The following VWA2 variants were observed in gnomAD, a reference collection of about 807,000 sequenced individuals.
VWA2 encodes the protein von Willebrand factor A domain containing 2.
A neutral mutation model predicts 70.4 loss-of-function variants in VWA2; 73 were observed. The observed-to-expected ratio is 1.04, with a 90% CI of 0.86 to 1.26. The LOEUF (loss-of-function observed/expected upper bound fraction) is 1.26, where lower values mean the gene tolerates loss of function less well. Among genes scored for constraint, VWA2 ranks in the 50% most tolerant of loss-of-function variants. The pLI is 0.00. For missense variants in VWA2, 1,011 were observed against 998.5 expected, an observed-to-expected ratio of 1.01 and a Z score of -0.17; for synonymous variants, 407 against 423.3, an observed-to-expected ratio of 0.96 and a Z score of 0.47.
In VWA2 at chr10:114,286,061, C is replaced by T. The variant is rs1564740812; in HGVS notation, c.1120C>T (p.Leu374=). ...CGTGAAGCGGTTTGTGCGGGCCGTGCTGAGCGAGGACTCTCGGGCCCGAGT... is the reference window on the plus strand; with the variant it reads ...CGTGAAGCGGTTTGTGCGGGCCGTGTTGAGCGAGGACTCTCGGGCCCGAGT... ...VFVKRFVRAV[L]SEDSRARVGV... The change falls in exon 11 of 14, where the codon CTG becomes TTG. Residue 374 remains leucine (L), a synonymous_variant. Transcript: ENST00000392982. 1 of 1,614,154 alleles carries T rather than the reference C, an allele frequency of 6.2e-7. No individual in the cohort carries two copies. Among genetic ancestry groups the T allele is most frequent in the South Asian group, 1.1e-5 (1 of 91,084 alleles).
chr10:114,278,895 C>T, intron 8 of VWA2, 44 bp downstream of exon 8: 1 of 1,608,232 alleles, frequency 6.2e-7, no homozygotes, highest in African/African-American at 1.3e-5. Flanking sequence ...GAGATGAAGG[C>T]CCCCACCCCT....
intron 10 of VWA2, among the ~76,000 whole-genome samples, chr10:114,285,698 G>C (rs937713445): frequency 6.6e-6 from 1 of 152,244 alleles, no homozygotes; most frequent in African/African-American, 2.4e-5. Context: ...ATGGAAAAAA[G>C]TGATAATGTA....
chr10:114,263,627 G>A (rs2037495478), intron 5 of VWA2, among the ~76,000 whole-genome samples: 1 of 152,064 alleles, frequency 6.6e-6, no homozygotes, highest in Non-Finnish European at 1.5e-5. Context: ...GTGAGCCACC[G>A]TGCCTGGCCG....
rs189513710 is a variant in VWA2, at chr10:114,279,777, C to G, written c.833+926C>G. Among the ~76,000 whole-genome samples the G allele has an allele frequency of 8.4e-4, 128 of 152,286 alleles. 1 individual carries two copies. Among genetic ancestry groups the G allele is most frequent in the Non-Finnish European group, 1.4e-3 (94 of 68,024 alleles). On this transcript the variant is annotated intron_variant, in intron 8 of 13. Coordinates refer to ENST00000392982, the MANE Select transcript of VWA2 (RefSeq NM_001272046.2). Reference sequence around the variant, plus strand: ...CAATAAGAAGACAGTACAGTTGCTGCCCCCAAGGAATCATGGTTTAGAGGA... The same window carrying G: ...CAATAAGAAGACAGTACAGTTGCTGGCCCCAAGGAATCATGGTTTAGAGGA...
At position 114,286,002 on chromosome 10, in the gene VWA2, C is replaced by A; in HGVS notation, c.1061C>A (p.Thr354Asn). 1 of 1,613,926 alleles carries A rather than the reference C, an allele frequency of 6.2e-7. No homozygotes were observed. Among genetic ancestry groups the A allele is most frequent in the Non-Finnish European group, 8.5e-7 (1 of 1,179,884 alleles). Residue 354 changes from threonine (T) to asparagine (N), a missense_variant, in exon 11 of 14, where the codon ACC (threonine) becomes AAC (asparagine). By Grantham distance (65) the Thr-to-Asn change is moderately conservative. Coordinates refer to ENST00000392982, the MANE Select transcript of VWA2 (RefSeq NM_001272046.2). ...TTCCTGCTGGACAGCTCTGCGGGCA[C>A]CACTCTGGACGGCTTCCTGCGGGCC... The part of the protein sequence containing the change: ...LLFLLDSSAG[T>N]TLDGFLRAKV...
At chr10:114,286,660 A>C in intron 11 of VWA2, 149 bp downstream of exon 11, 1 of 685,780 alleles carries the variant, frequency 1.5e-6, no homozygotes, top group Non-Finnish European at 2.3e-6. Context: ...CACATAAATA[A>C]TTTTCAGTTT....
chr10:114,278,011 CT>C lies in VWA2; in HGVS notation c.665del (p.Leu222ProfsTer63). 6.2e-7 allele frequency: 1 copy of C among 1,612,858 alleles called. No homozygotes were observed. Among genetic ancestry groups the C allele is most frequent in the Non-Finnish European group, 8.5e-7 (1 of 1,179,288 alleles). ...TGCCACCAACGGCCTCTTCAGCACCCTCAGCAGCTCGGCCATCTGCTCCAGC... is the reference window on the plus strand; with the variant it reads ...TGCCACCAACGGCCTCTTCAGCACCCCAGCAGCTCGGCCATCTGCTCCAGC... ...EDATNGLFSTLSSSAICSSAT... is the reference protein window; with the variant it reads ...EDATNGLFSTXSSSAICSSAT... On this transcript the variant is annotated frameshift_variant, in exon 7 of 14. Transcript: ENST00000392982. LOFTEE classifies it high-confidence loss of function.
intron 1 of VWA2, 94 bp from the exon 2 acceptor site, chr10:114,248,610 A>C (rs1052075560): frequency 9.2e-7 from 1 of 1,087,092 alleles, no homozygotes; most frequent in Non-Finnish European, 1.4e-6. Flanking sequence ...TGTGACCTGG[A>C]AAAGGCTGAG....
intron 5 of VWA2, among the ~76,000 whole-genome samples, chr10:114,263,914 C>T (rs968107141): frequency 6.6e-6 from 1 of 152,162 alleles, no homozygotes; most frequent in Non-Finnish European, 1.5e-5. Context: ...AAAAGATTGT[C>T]AACATCATTA....
At chr10:114,255,981 G>GA (rs1245687395) in intron 4 of VWA2, among the ~76,000 whole-genome samples, 9 of 152,230 alleles carry the variant, frequency 5.9e-5, no homozygotes, top group African/African-American at 1.9e-4. Flanking sequence ...GGCAAATCTT[G>GA]AAAAAAACTG....
chr10:114,290,209 G>T, intron 12 of VWA2, 31 bp from the exon 13 acceptor site: 1 of 1,549,226 alleles, frequency 6.5e-7, no homozygotes, highest in Non-Finnish European at 8.7e-7. Flanking sequence ...ATGCCTGGCC[G>T]GCCTGGTGGG....
intron 8 of VWA2, among the ~76,000 whole-genome samples, chr10:114,282,235 C>G (rs58361230): frequency 0.023 from 3,563 of 152,178 alleles, 135 homozygotes; most frequent in African/African-American, 0.08. Context: ...AACTCCTGAC[C>G]TCAAGTGATT....
At chr10:114,249,594 G>T (rs374328556) in intron 2 of VWA2, among the ~76,000 whole-genome samples, 32 of 152,228 alleles carry the variant, frequency 2.1e-4, no homozygotes, top group African/African-American at 7.2e-4. Context: ...GCGGTGTTTG[G>T]TTTTCTGTTC....
chr10:114,288,997 C>A lies in VWA2; in HGVS notation c.1630C>A (p.Pro544Thr). Residue 544 changes from proline to threonine, a missense_variant, in exon 12 of 14, where the codon CCC (proline) becomes ACC (threonine). Pro to Thr is a conservative substitution (Grantham distance 38). Transcript: ENST00000392982. ...FMLDTSASVGPENFAQMQSFV... is the reference protein window; with the variant it reads ...FMLDTSASVGTENFAQMQSFV... ...GTTGGACACCTCTGCCTCAGTAGGG[C>A]CCGAGAATTTTGCTCAGATGCAGAG... is the stretch of plus-strand genomic sequence containing the variant. 1 of 1,614,116 alleles carries A rather than the reference C, an allele frequency of 6.2e-7. No individual in the cohort carries two copies. The highest frequency in any genetic ancestry group is 8.5e-7 in the Non-Finnish European group (1 of 1,180,006).
At chr10:114,251,662 C>T (rs2037198234) in intron 2 of VWA2, among the ~76,000 whole-genome samples, 1 of 152,042 alleles carries the variant, frequency 6.6e-6, no homozygotes, top group South Asian at 2.1e-4. Context: ...GGGCGAGGCT[C>T]TGTGGAGGAC....
intron 3 of VWA2, 72 bp from the exon 4 acceptor site, chr10:114,254,843 G>C: frequency 1.3e-6 from 2 of 1,578,066 alleles, no homozygotes; most frequent in South Asian, 1.1e-5. Context: ...AAGGCTGTTT[G>C]TGCCTTCACT....
intron 5 of VWA2, among the ~76,000 whole-genome samples, chr10:114,267,766 C>T (rs1272022874): frequency 6.6e-6 from 1 of 151,928 alleles, no homozygotes; most frequent in Non-Finnish European, 1.5e-5. Context: ...TTTCTTAGTC[C>T]GTTTCATGGC....
rs7919577 is a variant in VWA2 at position 114,292,439 on chromosome 10, C to A, written c.*1202C>A. The stretch of plus-strand genomic sequence containing the variant: ...TTTGCTTTTTAAAGCATTGATCTTA[C>A]GCTGTCTAGGTTTTAATTTTGTTTT... On this transcript the variant is annotated 3_prime_UTR_variant, in exon 14 of 14. Transcript: ENST00000392982. Among the ~76,000 whole-genome samples the A allele has an allele frequency of 6.6e-6, 1 of 151,584 alleles. No homozygotes were observed. Among genetic ancestry groups the A allele is most frequent in the Non-Finnish European group, 1.5e-5 (1 of 67,958 alleles).
At chr10:114,277,718 T>C (rs2037879759) in intron 6 of VWA2, among the ~76,000 whole-genome samples, 196 bp from the exon 7 acceptor site, 2 of 152,204 alleles carry the variant, frequency 1.3e-5, no homozygotes, top group Admixed American at 1.3e-4. Context: ...TGCTTGCTTG[T>C]TCTTTGCTTG....
Sources: allele counts gnomAD v4.1 joint callset (sites outside exome capture counted in the v4.1 genomes callset), GRCh38; gene constraint gnomAD v4.1.1; transcripts MANE v1.5; gene names NCBI Gene and HGNC (gene_info 2026-07-23, HGNC 2026-07-21).